The following FGGY variants were observed in gnomAD, a reference collection of about 807,000 sequenced individuals.
The protein encoded by FGGY is FGGY carbohydrate kinase domain-containing protein.
A neutral mutation model predicts 71.3 loss-of-function variants in FGGY; 72 were observed. That is an observed-to-expected ratio of 1.01 (90% CI 0.84 to 1.23). The LOEUF (loss-of-function observed/expected upper bound fraction) is 1.23, where lower values mean the gene tolerates loss of function less well. FGGY is among the 50% of genes most tolerant of loss of function. The probability of loss-of-function intolerance (pLI) is 0.00; values close to 1 mark genes in which losing one functional copy is unlikely to be tolerated. For synonymous variants in FGGY, 251 were observed against 250.3 expected, an observed-to-expected ratio of 1.00 and a Z score of -0.02; for missense variants, 668 against 682.3, an observed-to-expected ratio of 0.98 and a Z score of 0.23.
At chr1:59,560,867 C>T (rs1446751630) in intron 8 of FGGY, among the ~76,000 whole-genome samples, 2 of 152,198 alleles carry the variant, frequency 1.3e-5, no homozygotes, top group African/African-American at 4.8e-5. Context: ...GAGATATTTG[C>T]AGGATCATGG....
intron 6 of FGGY, 124 bp from the exon 7 acceptor site, chr1:59,512,187 G>C: frequency 9.3e-7 from 1 of 1,071,448 alleles, no homozygotes; most frequent in Non-Finnish European, 1.3e-6. Context: ...ATGACTGCAT[G>C]GTTTTTATCT....
At chr1:59,466,303 T>C (rs1318320926) in intron 6 of FGGY, among the ~76,000 whole-genome samples, 1 of 152,198 alleles carries the variant, frequency 6.6e-6, no homozygotes, top group Non-Finnish European at 1.5e-5. Context: ...GCTAGCCATA[T>C]GTAGAAAGCT....
intron 5 of FGGY, among the ~76,000 whole-genome samples, chr1:59,447,928 TAGTG>T (rs1420697905): frequency 6.6e-6 from 1 of 152,216 alleles, no homozygotes; most frequent in African/African-American, 2.4e-5. Flanking sequence ...TGGTTGCTAA[TAGTG>T]AGGTCACATG....
intron 11 of FGGY, among the ~76,000 whole-genome samples, chr1:59,653,414 G>A (rs1486841163): frequency 6.6e-6 from 1 of 152,092 alleles, no homozygotes; most frequent in Non-Finnish European, 1.5e-5. Flanking sequence ...GATTCTGTGG[G>A]CGTAGGACCC....
chr1:59,710,395 T>G (rs567847159), intron 14 of FGGY, among the ~76,000 whole-genome samples: 1 of 152,242 alleles, frequency 6.6e-6, no homozygotes, highest in African/African-American at 2.4e-5. Flanking sequence ...GGGCAAAGAC[T>G]TCATGACTAA....
intron 7 of FGGY, among the ~76,000 whole-genome samples, chr1:59,536,651 C>T (rs1301771182): frequency 6.6e-6 from 1 of 152,178 alleles, no homozygotes; most frequent in Non-Finnish European, 1.5e-5. Context: ...AAAGCTTATC[C>T]ACCATGATCA....
At chr1:59,495,699 T>C (rs1314044655) in intron 6 of FGGY, among the ~76,000 whole-genome samples, 3 of 152,180 alleles carry the variant, frequency 2.0e-5, no homozygotes, top group African/African-American at 4.8e-5. Context: ...CTTCTGCATA[T>C]GGCTAGTTAT....
intron 10 of FGGY, among the ~76,000 whole-genome samples, chr1:59,635,588 G>A (rs556646318): frequency 6.6e-6 from 1 of 152,144 alleles, no homozygotes; most frequent in South Asian, 2.1e-4. Context: ...TAAGAACAGT[G>A]GCTATTCTGA....
chr1:59,757,740 A>G (rs898460700), intron 14 of FGGY, among the ~76,000 whole-genome samples, 191 bp from the exon 15 acceptor site: 1 of 152,158 alleles, frequency 6.6e-6, no homozygotes, highest in Non-Finnish European at 1.5e-5. Flanking sequence ...GAAACTTTAA[A>G]TGTTCACTGT....
chr1:59,430,466 G>C (rs766680497), intron 5 of FGGY, among the ~76,000 whole-genome samples: 3 of 152,082 alleles, frequency 2.0e-5, no homozygotes, highest in Non-Finnish European at 2.9e-5. Flanking sequence ...GCAGGTGTCA[G>C]GTATGCTCAT....
At chr1:59,525,401 G>A (rs989791003) in intron 7 of FGGY, among the ~76,000 whole-genome samples, 1 of 152,168 alleles carries the variant, frequency 6.6e-6, no homozygotes, top group Non-Finnish European at 1.5e-5. Context: ...AGAGGTTTCC[G>A]GCTGGCAAAG....
chr1:59,711,462 G>C (rs1201246351), intron 14 of FGGY, among the ~76,000 whole-genome samples: 1 of 152,128 alleles, frequency 6.6e-6, no homozygotes, highest in Admixed American at 6.5e-5. Context: ...AACAAAGAAA[G>C]AATTGAAAGA....
intron 11 of FGGY, among the ~76,000 whole-genome samples, chr1:59,641,647 C>A (rs564142385): frequency 1.3e-5 from 2 of 152,062 alleles, no homozygotes; most frequent in African/African-American, 4.8e-5. Flanking sequence ...CCTGATGCAG[C>A]CTTTTTCTGC....
intron 5 of FGGY, among the ~76,000 whole-genome samples, chr1:59,380,198 A>G (rs987305872): frequency 4.6e-5 from 7 of 151,546 alleles, no homozygotes; most frequent in South Asian, 2.1e-4. Flanking sequence ...TCTATCATTC[A>G]TGGACATTTG....
At chr1:59,305,867 T>G (rs2043362593) in intron 1 of FGGY, among the ~76,000 whole-genome samples, 1 of 152,214 alleles carries the variant, frequency 6.6e-6, no homozygotes, top group Non-Finnish European at 1.5e-5. Flanking sequence ...ACCTTTGCAA[T>G]TCTCTGGCAT....
At chr1:59,745,718 G>C (rs2098190845) in intron 14 of FGGY, among the ~76,000 whole-genome samples, 1 of 152,198 alleles carries the variant, frequency 6.6e-6, no homozygotes, top group Non-Finnish European at 1.5e-5. Flanking sequence ...GAATATTGCA[G>C]ATTCTTGTCG....
intron 11 of FGGY, among the ~76,000 whole-genome samples, chr1:59,652,052 C>G (rs2097167972): frequency 6.6e-6 from 1 of 151,232 alleles, no homozygotes; most frequent in Non-Finnish European, 1.5e-5. Flanking sequence ...GTTGAAAATT[C>G]TTTTCTTTAA....
intron 7 of FGGY, among the ~76,000 whole-genome samples, chr1:59,543,893 G>T (rs2095483179): frequency 6.6e-6 from 1 of 152,184 alleles, no homozygotes; most frequent in African/African-American, 2.4e-5. Flanking sequence ...TTTGTCTAGG[G>T]GCAAGAGAAG....
chr1:59,743,000 G>A (rs961236786), intron 14 of FGGY, among the ~76,000 whole-genome samples: 2 of 152,132 alleles, frequency 1.3e-5, no homozygotes, highest in Non-Finnish European at 2.9e-5. Flanking sequence ...GATCACTCTT[G>A]CTTAAAACTC....
Sources: gnomAD v4.1 joint callset for allele counts (sites outside exome capture counted in the v4.1 genomes callset) on GRCh38, gnomAD v4.1.1 for gene constraint, MANE v1.5 for transcripts, NCBI Gene and HGNC (gene_info 2026-07-23, HGNC 2026-07-21) for gene names.